The following TRIM37 variants were observed in gnomAD, a reference collection of about 807,000 sequenced individuals.
TRIM37 encodes the protein E3 ubiquitin-protein ligase TRIM37.
A neutral mutation model predicts 129.8 loss-of-function variants in TRIM37; 80 were observed. The ratio of observed to expected loss-of-function variants is 0.62; its 90% CI spans 0.51 to 0.74. The LOEUF is 0.74. TRIM37 is among the 30% of genes least tolerant of loss of function. The pLI, the probability that TRIM37 is intolerant of heterozygous loss-of-function variation, is 0.00. For missense variants in TRIM37, 1,054 were observed against 1,176.5 expected (o/e 0.90, Z 1.52); for synonymous variants, 389 against 387.1 (o/e 1.00, Z -0.06).
At chr17:59,015,065 A>AG (rs2035744765) in intron 21 of TRIM37, among the ~76,000 whole-genome samples, 1 of 149,204 alleles carries the variant, frequency 6.7e-6, no homozygotes, top group African/African-American at 2.5e-5. Flanking sequence ...CAACAGAGCG[A>AG]GACTCCATCT....
At position 59,106,513 on chromosome 17, in the gene TRIM37, A is replaced by C. The variant is rs1287326297; in HGVS notation, c.-52T>G. 1 of 1,610,462 alleles carries C rather than the reference A, an allele frequency of 6.2e-7. No individual in the cohort carries two copies. Among genetic ancestry groups the C allele is most frequent in the Non-Finnish European group, 8.5e-7 (1 of 1,178,460 alleles). On this transcript the variant is annotated 5_prime_UTR_variant, in exon 1 of 24. Transcript: ENST00000262294. Reference sequence around the variant, plus strand: ...GGCGACCCGCAGGCTCCGCAGTCTGACCTCTTAGGCGCCGGCCCGAGGTCG... The same window carrying C: ...GGCGACCCGCAGGCTCCGCAGTCTGCCCTCTTAGGCGCCGGCCCGAGGTCG...
chr17:59,019,125 C>T (rs2145196324), intron 19 of TRIM37, among the ~76,000 whole-genome samples: 1 of 152,234 alleles, frequency 6.6e-6, no homozygotes, highest in South Asian at 2.1e-4. Context: ...AACACAGTTG[C>T]CATGTAACCC....
In TRIM37 at chr17:59,104,213, A is replaced by G. The variant is rs1350436417; in HGVS notation, c.123+80T>C. ...AGCACTTTAGGGCAAAAAATGTAAA[A>G]TAAAAAGATAAGGGAAATGGTTAAT... On this transcript the variant is annotated intron_variant, in intron 2 of 23. Coordinates refer to ENST00000262294, the MANE Select transcript of TRIM37 (RefSeq NM_015294.6). 4 of 1,404,404 alleles carry G rather than the reference A, an allele frequency of 2.8e-6. No individual in the cohort carries two copies. The Admixed American group carries it at 5.7e-5, about 20-fold the overall frequency. The allele number at this position is 1,404,404 out of a possible 1,614,324, so 87.0% of individuals were successfully genotyped here. A position where few individuals can be genotyped will look rare whatever the true frequency, so the allele number is the denominator to read the frequency against.
chr17:59,016,978 C>T (rs1598913105), intron 20 of TRIM37, among the ~76,000 whole-genome samples: 2 of 151,948 alleles, frequency 1.3e-5, no homozygotes, highest in South Asian at 2.1e-4. Flanking sequence ...GAGTTTAAGA[C>T]CAGCCTGGGC....
intron 10 of TRIM37, among the ~76,000 whole-genome samples, chr17:59,063,870 T>A (rs1008868121): frequency 1.3e-5 from 2 of 152,204 alleles, no homozygotes; most frequent in African/African-American, 4.8e-5. Context: ...TTCCTCACTT[T>A]GGGCAGGGCA....
At position 59,068,065 on chromosome 17, in the gene TRIM37, C is replaced by T. The variant is rs1171469153; in HGVS notation, c.809+2758G>A. On this transcript the variant is annotated intron_variant, in intron 9 of 23. Transcript: ENST00000262294. ...ACGAATGCTGATCTTTCTTATTTGG[C>T]CCTCTTTTCCTGTATGTTGCAACTA... Among the ~76,000 whole-genome samples, 3 of 152,286 alleles carry T rather than the reference C, an allele frequency of 2.0e-5. No homozygotes were observed. In the East Asian group the frequency reaches 5.8e-4, roughly 29 times the overall value.
At chr17:58,992,025 C>G (rs2032458794) in intron 24 of TRIM37, among the ~76,000 whole-genome samples, 1 of 151,950 alleles carries the variant, frequency 6.6e-6, no homozygotes, top group Non-Finnish European at 1.5e-5. Flanking sequence ...CACTTCTGAT[C>G]AGCTGATTAC....
the TRIM37 span, among the ~76,000 whole-genome samples, chr17:58,973,856 G>A: frequency 6.6e-6 from 1 of 150,796 alleles, no homozygotes; most frequent in Admixed American, 6.6e-5. Flanking sequence ...GGAGGTTGAG[G>A]CAGGAGAATC....
rs1351862217 is a variant in TRIM37, at chr17:59,031,881, T to C, written c.1948+15A>G. The C allele has an allele frequency of 6.2e-7, 1 of 1,612,570 alleles. No individual in the cohort carries two copies. The highest frequency in any genetic ancestry group is 8.5e-7 in the Non-Finnish European group (1 of 1,179,372). ...ACCACAGAAAAAAAGGAAATTATCA[T>C]TGTTATTATTTTACCTGTGGGCTGC... On this transcript the variant is annotated intron_variant, in intron 18 of 23. Transcript: ENST00000262294.
rs1380972103 is a variant in TRIM37, at chr17:58,992,782, G to A, written c.2891+6599C>T. 2.0e-5 allele frequency among the ~76,000 whole-genome samples: 3 copies of A among 152,130 alleles called. No individual in the cohort carries two copies. The East Asian group carries it at 5.8e-4, about 29-fold the overall frequency. The stretch of plus-strand genomic sequence containing the variant: ...TGGTTCAGAGCTCCAACTGTCTAAT[G>A]ACACCCACAGCATTTCTGGTGTAGC... On this transcript the variant is annotated intron_variant, in intron 24 of 24. Transcript: ENST00000393066.
At chr17:59,016,041 GTCTC>G (rs2035887208) in intron 20 of TRIM37, among the ~76,000 whole-genome samples, 1 of 151,788 alleles carries the variant, frequency 6.6e-6, no homozygotes, top group Non-Finnish European at 1.5e-5. Context: ...AACATGAAAG[GTCTC>G]TCTCAGTTAC....
intron 22 of TRIM37, among the ~76,000 whole-genome samples, chr17:59,005,572 C>T (rs2034374944): frequency 6.6e-6 from 1 of 152,046 alleles, no homozygotes; most frequent in South Asian, 2.1e-4. Flanking sequence ...TGTGAGCCAC[C>T]GCATCCAGCC....
exon 25 of TRIM37, chr17:58,982,814 T>A (rs2031438923): frequency 8.3e-7 from 1 of 1,203,640 alleles, no homozygotes. Flanking sequence ...AACCTTTTCA[T>A]CATTCTGAGG....
At chr17:59,045,405 C>G (rs2039676232) in intron 16 of TRIM37, among the ~76,000 whole-genome samples, 1 of 151,392 alleles carries the variant, frequency 6.6e-6, no homozygotes, top group Non-Finnish European at 1.5e-5. Flanking sequence ...TTTGGGAGGC[C>G]AAGACGGGTG....
chr17:59,039,119 C>T (rs1159575051), intron 17 of TRIM37, among the ~76,000 whole-genome samples: 1 of 152,114 alleles, frequency 6.6e-6, no homozygotes, highest in Admixed American at 6.5e-5. Flanking sequence ...TGTTCAGTCC[C>T]CACTCCAAAG....
intron 9 of TRIM37, among the ~76,000 whole-genome samples, chr17:59,067,164 G>A (rs1214011697): frequency 6.6e-6 from 1 of 152,082 alleles, no homozygotes; most frequent in Non-Finnish European, 1.5e-5. Context: ...CTACTGCTAG[G>A]CCATCTAATT....
At chr17:58,969,580 T>C in the TRIM37 span, 16 of 1,614,024 alleles carry the variant, frequency 9.9e-6, no homozygotes, top group South Asian at 1.3e-4. Flanking sequence ...TTGATGGCCA[T>C]GGGGGAGTAG....
chr17:59,070,917 A>G lies in TRIM37; in HGVS notation c.715T>C (p.Ser239Pro), dbSNP rs766159217. The G allele has an allele frequency of 6.2e-7, 1 of 1,614,106 alleles. No individual in the cohort carries two copies. The highest frequency in any genetic ancestry group is 8.5e-7 in the Non-Finnish European group (1 of 1,179,976). Residue 239 changes from serine to proline, a missense_variant, in exon 9 of 24, where the codon TCT (serine) becomes CCT (proline). By Grantham distance (74) the Ser-to-Pro change is moderately conservative (BLOSUM62 -1). Coordinates refer to ENST00000262294, the MANE Select transcript of TRIM37 (RefSeq NM_015294.6). The part of the protein sequence containing the change: ...LRSCSKSELI[S>P]KSSEILMMFQ... ...ATCATAAGGATCTCTGAGCTCTTAG[A>G]TATCAACTCACTCTTACTACAAGAC...
At position 59,007,231 on chromosome 17, in the gene TRIM37, C is replaced by CCACCCCCA. The variant is rs60395023; in HGVS notation, c.2695+5096_2695+5097insTGGGGGTG. Among the ~76,000 whole-genome samples the CCACCCCCA allele has an allele frequency of 1.2e-4, 12 of 97,544 alleles. 1 individual carries two copies. In the South Asian group the frequency reaches 2.1e-3, roughly 17 times the overall value. The allele number at this position is 97,544 out of a possible 152,430, so 64.0% of individuals were successfully genotyped here. A position where few individuals can be genotyped will look rare whatever the true frequency, so the allele number is the denominator to read the frequency against. On this transcript the variant is annotated intron_variant, in intron 22 of 23. Transcript: ENST00000262294. ...CTAAAACCACCCCACCCCCACCCAC[C>CCACCCCCA]CACACACACACACACGTTCCTGATG... is the stretch of plus-strand genomic sequence containing the variant.
Sources: allele counts gnomAD v4.1 joint callset (sites outside exome capture counted in the v4.1 genomes callset), GRCh38; gene constraint gnomAD v4.1.1; transcripts MANE v1.5; gene names NCBI Gene and HGNC (gene_info 2026-07-23, HGNC 2026-07-21).